Variants in SLC35F1 observed in about 807,000 individuals in gnomAD.
SLC35F1 encodes the protein chromosome 6 open reading frame 169.
A neutral mutation model predicts 48.7 loss-of-function variants in SLC35F1; 14 were observed. The observed-to-expected ratio is 0.29, with a 90% CI of 0.19 to 0.45. The LOEUF is 0.45. SLC35F1 is among the 20% of genes least tolerant of loss of function. The pLI, the probability that SLC35F1 is intolerant of heterozygous loss-of-function variation, is 1.00. For missense variants in SLC35F1, 404 were observed against 500.0 expected (o/e 0.81, Z 1.83); for synonymous variants, 190 against 202.2 (o/e 0.94, Z 0.51).
At chr6:117,920,320 C>G (rs1394070351) in intron 1 of SLC35F1, among the ~76,000 whole-genome samples, 1 of 152,204 alleles carries the variant, frequency 6.6e-6, no homozygotes, top group Non-Finnish European at 1.5e-5. Context: ...GGCGAGTGTT[C>G]CGCGGGGTGT....
chr6:118,255,787 G>A (rs1775635472), intron 3 of SLC35F1, among the ~76,000 whole-genome samples: 1 of 152,138 alleles, frequency 6.6e-6, no homozygotes, highest in African/African-American at 2.4e-5. Flanking sequence ...TCCTGGAAAA[G>A]GGCTGTTATA....
intron 1 of SLC35F1, among the ~76,000 whole-genome samples, chr6:117,962,435 C>T (rs1178464234): frequency 2.0e-5 from 3 of 152,156 alleles, no homozygotes; most frequent in African/African-American, 7.2e-5. Flanking sequence ...TGAAATGACT[C>T]CCTCCTTGCT....
chr6:118,109,490 A>G (rs1231923051), intron 1 of SLC35F1, among the ~76,000 whole-genome samples: 2 of 152,184 alleles, frequency 1.3e-5, no homozygotes, highest in Non-Finnish European at 2.9e-5. Flanking sequence ...TCTAGAAAAA[A>G]GCCACACCAT....
chr6:118,083,864 G>C (rs1639495072), intron 1 of SLC35F1, among the ~76,000 whole-genome samples: 1 of 152,154 alleles, frequency 6.6e-6, no homozygotes, highest in African/African-American at 2.4e-5. Flanking sequence ...AACTGTCTGT[G>C]CTATTGTCAT....
intron 3 of SLC35F1, among the ~76,000 whole-genome samples, chr6:118,257,108 G>A (rs1172446164): frequency 6.6e-6 from 1 of 152,042 alleles, no homozygotes; most frequent in African/African-American, 2.4e-5. Context: ...TACCACCCAG[G>A]TCAGGGAAGA....
chr6:118,142,457 A>G (rs1273248569), intron 1 of SLC35F1, among the ~76,000 whole-genome samples: 1 of 152,144 alleles, frequency 6.6e-6, no homozygotes, highest in African/African-American at 2.4e-5. Flanking sequence ...CTTAATGGCA[A>G]CTGAGAAGCT....
chr6:118,097,093 T>C (rs906600601), intron 1 of SLC35F1, among the ~76,000 whole-genome samples: 11 of 152,176 alleles, frequency 7.2e-5, no homozygotes, highest in Admixed American at 5.2e-4. Flanking sequence ...AAGTGATCTT[T>C]CTAAAACTCA....
intron 1 of SLC35F1, among the ~76,000 whole-genome samples, chr6:118,072,099 T>G (rs1772740428): frequency 6.6e-6 from 1 of 152,266 alleles, no homozygotes; most frequent in Non-Finnish European, 1.5e-5. Context: ...CTTTTGCATT[T>G]TACATGTTTT....
Position 118,286,526 on chromosome 6 carries a change from A to G in SLC35F1, c.1002+1188A>G, listed in dbSNP as rs141214153. Among the ~76,000 whole-genome samples the G allele has an allele frequency of 5.0e-3, 759 of 152,344 alleles. 3 individuals carry two copies. Among genetic ancestry groups the G allele is most frequent in the Middle Eastern group, 0.01 (3 of 294 alleles). ...TGAAAAAGAAGTTACAAACGAAGCT[A>G]GTTAGTAGCTAGGAGGATCAGAAAC... On this transcript the variant is annotated intron_variant, in intron 7 of 7. Coordinates refer to ENST00000360388, the MANE Select transcript of SLC35F1 (RefSeq NM_001029858.4).
intron 1 of SLC35F1, among the ~76,000 whole-genome samples, chr6:118,034,833 T>C (rs1772104328): frequency 6.6e-6 from 1 of 152,190 alleles, no homozygotes; most frequent in Non-Finnish European, 1.5e-5. Context: ...TCTTTTTTCC[T>C]ACAACTTTAT....
chr6:118,172,885 T>G (rs902605544), intron 2 of SLC35F1, among the ~76,000 whole-genome samples: 6 of 152,168 alleles, frequency 3.9e-5, no homozygotes, highest in Non-Finnish European at 8.8e-5. Flanking sequence ...AATAAGATTT[T>G]CTGAAGCAAC....
At chr6:118,272,765 G>A (rs868654545) in intron 4 of SLC35F1, among the ~76,000 whole-genome samples, 2,743 of 131,478 alleles carry the variant, frequency 0.021, 128 homozygotes, top group African/African-American at 0.08. Context: ...ATATATATAT[G>A]TATATATATA....
chr6:118,140,388 T>C (rs1773868042), intron 1 of SLC35F1, among the ~76,000 whole-genome samples: 1 of 152,200 alleles, frequency 6.6e-6, no homozygotes, highest in South Asian at 2.1e-4. Context: ...CTTCATAGTG[T>C]AGTAGCGCAA....
intron 1 of SLC35F1, among the ~76,000 whole-genome samples, chr6:118,140,776 T>G (rs1365942073): frequency 6.6e-6 from 1 of 152,156 alleles, no homozygotes; most frequent in Non-Finnish European, 1.5e-5. Flanking sequence ...ATGACCTTGA[T>G]CCTTTGTAGG....
rs145284476 is a variant in SLC35F1, at chr6:118,126,269, C to T, written c.174-28176C>T. ...TCATGTCAAATGTTTAGGAAATAAC[C>T]TGCCATAGATCAGATAGTTGTAGAT... is the stretch of plus-strand genomic sequence containing the variant. On this transcript the variant is annotated intron_variant, in intron 1 of 7. Transcript: ENST00000360388. Among the ~76,000 whole-genome samples, 11 of 152,146 alleles carry T rather than the reference C, an allele frequency of 7.2e-5. No individual in the cohort carries two copies. The South Asian group carries it at 2.3e-3, about 32-fold the overall frequency.
At chr6:118,155,061 T>C (rs1379541611) in intron 2 of SLC35F1, among the ~76,000 whole-genome samples, 2 of 152,150 alleles carry the variant, frequency 1.3e-5, no homozygotes, top group Non-Finnish European at 2.9e-5. Flanking sequence ...GACAACTCTA[T>C]TAATAACATC....
At chr6:118,002,944 C>T (rs1258278785) in intron 1 of SLC35F1, among the ~76,000 whole-genome samples, 1 of 152,142 alleles carries the variant, frequency 6.6e-6, no homozygotes, top group Non-Finnish European at 1.5e-5. Flanking sequence ...TCAAGGGTTA[C>T]TTCACCTCTT....
chr6:118,313,310 G>A (rs1260330611), intron 7 of SLC35F1, among the ~76,000 whole-genome samples: 1 of 152,140 alleles, frequency 6.6e-6, no homozygotes, highest in Non-Finnish European at 1.5e-5. Context: ...AAAAACATAT[G>A]TAAATTCTTG....
intron 1 of SLC35F1, among the ~76,000 whole-genome samples, chr6:118,009,523 G>A (rs1308448326): frequency 6.6e-6 from 1 of 152,120 alleles, no homozygotes. Flanking sequence ...ACACTGATTT[G>A]CTCTTCACCT....
Sources: allele counts gnomAD v4.1 joint callset (sites outside exome capture counted in the v4.1 genomes callset), GRCh38; gene constraint gnomAD v4.1.1; transcripts MANE v1.5; gene names NCBI Gene and HGNC (gene_info 2026-07-23, HGNC 2026-07-21).